CEP350: variants seen among roughly 807,000 people sequenced by gnomAD.
CEP350 encodes centrosome-associated protein 350.
In CEP350, 126 loss-of-function variants were observed where a neutral mutation model predicts 331.8. The observed-to-expected ratio is 0.38, with a 90% CI of 0.33 to 0.44. CEP350 has a LOEUF of 0.44. Among genes scored for constraint, CEP350 ranks in the 20% least tolerant of loss-of-function variants. The pLI, the probability that CEP350 is intolerant of heterozygous loss-of-function variation, is 1.00. For missense variants in CEP350, 3,406 were observed against 3,634.6 expected, an observed-to-expected ratio of 0.94 and a Z score of 1.62; for synonymous variants, 1,200 against 1,259.5, an observed-to-expected ratio of 0.95 and a Z score of 1.00.
intron 37 of CEP350, among the ~76,000 whole-genome samples, chr1:180,110,267 G>A (rs991583710): frequency 9.2e-5 from 14 of 152,052 alleles, no homozygotes; most frequent in Admixed American, 1.3e-4. Flanking sequence ...ATGAGGGTTC[G>A]ACTTACTGTT....
At chr1:179,985,433 A>G (rs1431674100) in intron 1 of CEP350, among the ~76,000 whole-genome samples, 4 of 152,204 alleles carry the variant, frequency 2.6e-5, no homozygotes, top group Non-Finnish European at 4.4e-5. Flanking sequence ...CACGTTAGCT[A>G]CTATGAATAA....
chr1:180,041,375 T>G lies in CEP350; in HGVS notation c.4221+127T>G. The stretch of plus-strand genomic sequence containing the variant: ...ATAAATAATAAAGTTTTAGTACTTT[T>G]TATGGGATAATGCCATGTAATTCGA... On this transcript the variant is annotated intron_variant, in intron 18 of 37. Transcript: ENST00000367607. 7.0e-6 allele frequency: 5 copies of G among 718,566 alleles called. No homozygotes were observed. The South Asian group carries it at 1.1e-4, about 17-fold the overall frequency. 44.5% of individuals were successfully genotyped at this position (718,566 alleles called of 1,614,324 possible). A position where few individuals can be genotyped will look rare whatever the true frequency, so the allele number is the denominator to read the frequency against.
chr1:179,967,809 A>G (rs1296946210), intron 1 of CEP350, among the ~76,000 whole-genome samples: 1 of 152,226 alleles, frequency 6.6e-6, no homozygotes, highest in Non-Finnish European at 1.5e-5. Context: ...AAAATATAAA[A>G]TATGTATGCA....
rs1022403961 is a variant in CEP350, at chr1:180,080,781, G to T, written c.6124+120G>T. The T allele has an allele frequency of 1.3e-5, 11 of 815,010 alleles. No homozygotes were observed. In the African/African-American group the frequency reaches 1.7e-4, roughly 13 times the overall value. 50.5% of individuals were successfully genotyped at this position (815,010 alleles called of 1,614,324 possible). A position where few individuals can be genotyped will look rare whatever the true frequency, so the allele number is the denominator to read the frequency against. On this transcript the variant is annotated intron_variant, in intron 30 of 37. Transcript: ENST00000367607. ...TGTAGACAGACAGTGGTGAGTTTAT[G>T]TAGGATTGTGAAGAAGATTAATACC...
intron 8 of CEP350, among the ~76,000 whole-genome samples, chr1:180,007,727 TA>T (rs1409822218): frequency 6.6e-6 from 1 of 152,154 alleles, no homozygotes; most frequent in Non-Finnish European, 1.5e-5. Flanking sequence ...CTAGGGTTTT[TA>T]TGGTTTTAGG....
chr1:180,047,885 G>T (rs1028520277), intron 21 of CEP350, among the ~76,000 whole-genome samples: 1 of 152,100 alleles, frequency 6.6e-6, no homozygotes, highest in Non-Finnish European at 1.5e-5. Context: ...GGAAAAGCAG[G>T]TGAGAGTAAA....
chr1:179,971,727 TAGA>T (rs1651470511), intron 1 of CEP350, among the ~76,000 whole-genome samples: 3 of 152,228 alleles, frequency 2.0e-5, no homozygotes, highest in Non-Finnish European at 4.4e-5. Context: ...TCTGGTTTAA[TAGA>T]AGACATCTGG....
chr1:179,961,061 A>G (rs1650570006), intron 1 of CEP350, among the ~76,000 whole-genome samples: 1 of 152,038 alleles, frequency 6.6e-6, no homozygotes, highest in Admixed American at 6.6e-5. Flanking sequence ...TTTATTTTTT[A>G]TTTTTTTAAA....
chr1:180,080,480 C>A lies in CEP350; in HGVS notation c.5980-37C>A, dbSNP rs373087251. 10 of 1,584,876 alleles carry A rather than the reference C, an allele frequency of 6.3e-6. No individual in the cohort carries two copies. In the East Asian group the frequency reaches 6.7e-5, roughly 11 times the overall value. ...TTTAAATAGAATTTTACAATTATATCAAAAAATAGTTTCCATTTGGTTTTC... is the reference window on the plus strand; with the variant it reads ...TTTAAATAGAATTTTACAATTATATAAAAAAATAGTTTCCATTTGGTTTTC... On this transcript the variant is annotated intron_variant, in intron 29 of 37. Coordinates refer to ENST00000367607, the MANE Select transcript of CEP350 (RefSeq NM_014810.5).
chr1:180,093,483 T>G lies in CEP350; in HGVS notation c.7378T>G (p.Ser2460Ala). 6.2e-7 allele frequency: 1 copy of G among 1,610,460 alleles called. No homozygotes were observed. The highest frequency in any genetic ancestry group is 1.1e-5 in the South Asian group (1 of 90,536). Residue 2460 changes from serine (S) to alanine (A), a missense_variant, in exon 34 of 38, where the codon TCC becomes GCC. Around this residue, in one of 5 missense-constraint regions of CEP350, gnomAD observed 1,415 missense variants for 1,512.3 expected, o/e 0.94. Transcript: ENST00000367607. ...TTCTGACAGGCTGTTGGAACTCAAG[T>G]CCCCTACTGAGCTGATGAAAAGTAA... is the stretch of plus-strand genomic sequence containing the variant. ...VHSDRLLELK[S>A]PTELMKSKER... is the part of the protein sequence containing the mutation.
intron 1 of CEP350, among the ~76,000 whole-genome samples, chr1:179,980,987 A>G (rs77852365): frequency 0.085 from 12,918 of 152,206 alleles, 703 homozygotes; most frequent in Non-Finnish European, 0.12. Flanking sequence ...GGCAGATTCA[A>G]TAAAGCAATG....
rs989938858 is a variant in CEP350 at position 180,112,430 on chromosome 1, C to T, written c.*1269C>T. ...CACTGTACAATTTAACTCTGCCTCT[C>T]TTGCAGCATTGCTTCTCACAACTAT... On this transcript the variant is annotated 3_prime_UTR_variant, in exon 38 of 38. Coordinates refer to ENST00000367607, the MANE Select transcript of CEP350 (RefSeq NM_014810.5). 1.2e-4 allele frequency: 19 copies of T among 152,656 alleles called. No homozygotes were observed. Among genetic ancestry groups the T allele is most frequent in the African/African-American group, 4.3e-4 (18 of 41,458 alleles). 9.5% of individuals were successfully genotyped at this position (152,656 alleles called of 1,614,324 possible). A position where few individuals can be genotyped will look rare whatever the true frequency, so the allele number is the denominator to read the frequency against.
At chr1:180,080,413 A>G (rs1659495037) in intron 29 of CEP350, 104 bp from the exon 30 acceptor site, 2 of 1,013,350 alleles carry the variant, frequency 2.0e-6, no homozygotes, top group African/African-American at 3.3e-5. Flanking sequence ...GTTATCTTAA[A>G]TTCTTTGTAA....
At chr1:179,969,190 T>C (rs189730994) in intron 1 of CEP350, 7 of 570,900 alleles carry the variant, frequency 1.2e-5, no homozygotes, top group Admixed American at 4.1e-5. Flanking sequence ...TGTGTGTGTG[T>C]GCCACCATTT....
chr1:180,017,981 C>T (rs1655077243), intron 11 of CEP350, among the ~76,000 whole-genome samples: 1 of 152,134 alleles, frequency 6.6e-6, no homozygotes, highest in Non-Finnish European at 1.5e-5. Context: ...ATCTTGAGAT[C>T]TTAAAGTGTA....
At chr1:180,080,310 G>A (rs1174092173) in intron 29 of CEP350, among the ~76,000 whole-genome samples, 1 of 151,736 alleles carries the variant, frequency 6.6e-6, no homozygotes, top group African/African-American at 2.4e-5. Context: ...AAAAAAATGA[G>A]GTCTTATCCT....
At chr1:180,001,133 C>A (rs941651233) in intron 6 of CEP350, among the ~76,000 whole-genome samples, 1 of 152,118 alleles carries the variant, frequency 6.6e-6, no homozygotes, top group African/African-American at 2.4e-5. Context: ...GTTGCTAATT[C>A]TTTGATAAGT....
chr1:180,010,700 C>T (rs1241684776), intron 8 of CEP350, among the ~76,000 whole-genome samples: 1 of 151,640 alleles, frequency 6.6e-6, no homozygotes, highest in East Asian at 1.9e-4. Flanking sequence ...CTCTTGGGTT[C>T]AAGTGATCCT....
intron 5 of CEP350, among the ~76,000 whole-genome samples, chr1:179,995,897 T>C (rs1653426242): frequency 6.6e-6 from 1 of 152,216 alleles, no homozygotes; most frequent in Non-Finnish European, 1.5e-5. Flanking sequence ...ACCCCCAGTC[T>C]ATTTATTAAT....
Sources: allele counts gnomAD v4.1 joint callset (sites outside exome capture counted in the v4.1 genomes callset), GRCh38; gene constraint gnomAD v4.1.1; regional missense constraint gnomAD v4.1.1; transcripts MANE v1.5; gene names NCBI Gene and HGNC (gene_info 2026-07-23, HGNC 2026-07-21).